The following MDGA2 variants were observed in gnomAD, a reference collection of about 807,000 sequenced individuals.
MDGA2 encodes the protein MAM domain-containing glycosylphosphatidylinositol anchor protein 2.
In MDGA2, 40 loss-of-function variants were observed where a neutral mutation model predicts 117.8. That is an observed-to-expected ratio of 0.34 (90% CI 0.26 to 0.44). The LOEUF is 0.44. MDGA2 is among the 20% of genes least tolerant of loss of function. The pLI is 1.00. For missense variants in MDGA2, 1,123 were observed against 1,250.6 expected, an observed-to-expected ratio of 0.90 and a Z score of 1.54; for synonymous variants, 452 against 439.0, an observed-to-expected ratio of 1.03 and a Z score of -0.37.
rs189333555 is a variant in MDGA2, at chr14:47,071,877, C to G, written c.1196-10299G>C. Among the ~76,000 whole-genome samples, 1,029 of 152,172 alleles carry G rather than the reference C, an allele frequency of 6.8e-3. 8 individuals carry two copies. The highest frequency in any genetic ancestry group is 0.014 in the Middle Eastern group (4 of 294). On this transcript the variant is annotated intron_variant, in intron 6 of 16. Coordinates refer to ENST00000399232, the MANE Select transcript of MDGA2 (RefSeq NM_001113498.3). ...TTTTTACCCACTTCTTTATAGTGATCATAACAATAAAATTCACAATCCTAG... is the reference window on the plus strand; with the variant it reads ...TTTTTACCCACTTCTTTATAGTGATGATAACAATAAAATTCACAATCCTAG...
At chr14:46,897,840 A>G (rs1883139537) in intron 10 of MDGA2, among the ~76,000 whole-genome samples, 1 of 152,004 alleles carries the variant, frequency 6.6e-6, no homozygotes, top group Non-Finnish European at 1.5e-5. Flanking sequence ...ACATGGAGAT[A>G]TGACCTTGCT....
At chr14:47,523,600 A>G (rs1249230764) in intron 1 of MDGA2, among the ~76,000 whole-genome samples, 1 of 152,132 alleles carries the variant, frequency 6.6e-6, no homozygotes, top group Non-Finnish European at 1.5e-5. Flanking sequence ...AGGGATGACA[A>G]CAGGTAAGGA....
intron 1 of MDGA2, among the ~76,000 whole-genome samples, chr14:47,421,616 CATAA>C (rs1416962523): frequency 2.0e-5 from 3 of 152,030 alleles, no homozygotes; most frequent in African/African-American, 4.8e-5. Context: ...TATAATGTTG[CATAA>C]ATAGAGTTGT....
intron 1 of MDGA2, among the ~76,000 whole-genome samples, chr14:47,464,622 C>A (rs550353480): frequency 2.6e-5 from 4 of 151,990 alleles, no homozygotes; most frequent in Non-Finnish European, 5.9e-5. Context: ...CACAGCTAAC[C>A]AGGGAGGTGA....
At chr14:47,249,605 C>T (rs1887377788) in intron 2 of MDGA2, among the ~76,000 whole-genome samples, 1 of 152,206 alleles carries the variant, frequency 6.6e-6, no homozygotes, top group Admixed American at 6.5e-5. Context: ...GGATTACAGG[C>T]ATGAACCACC....
intron 8 of MDGA2, among the ~76,000 whole-genome samples, chr14:46,981,175 G>GGT (rs1566558116): frequency 2.0e-5 from 3 of 149,592 alleles, no homozygotes; most frequent in Non-Finnish European, 3.0e-5. Flanking sequence ...AGGCCAAGGG[G>GGT]GGGGCGGATC....
intron 1 of MDGA2, among the ~76,000 whole-genome samples, chr14:47,390,357 T>C (rs983709337): frequency 1.0e-4 from 15 of 149,010 alleles, no homozygotes; most frequent in East Asian, 2.0e-4. Flanking sequence ...TCAGGGAAGA[T>C]AGTGTCTCTG....
chr14:46,947,806 C>G (rs554918881), intron 9 of MDGA2, among the ~76,000 whole-genome samples: 1 of 151,790 alleles, frequency 6.6e-6, no homozygotes, highest in Non-Finnish European at 1.5e-5. Context: ...TGAAAACAGA[C>G]TAATACAGTC....
intron 1 of MDGA2, among the ~76,000 whole-genome samples, chr14:47,627,862 G>A (rs749702274): frequency 4.6e-5 from 7 of 152,270 alleles, no homozygotes; most frequent in Non-Finnish European, 8.8e-5. Flanking sequence ...TTTCACGCCT[G>A]AGCCAGCAAG....
At chr14:47,665,712 T>C (rs1289903375) in intron 1 of MDGA2, among the ~76,000 whole-genome samples, 2 of 152,108 alleles carry the variant, frequency 1.3e-5, no homozygotes, top group African/African-American at 4.8e-5. Flanking sequence ...CCCCCAGCAC[T>C]GCTGGCCCAC....
chr14:47,388,052 C>T (rs1352459394), intron 1 of MDGA2, among the ~76,000 whole-genome samples: 1 of 152,164 alleles, frequency 6.6e-6, no homozygotes, highest in African/African-American at 2.4e-5. Flanking sequence ...TGATGACAAA[C>T]ACTATTTCCA....
At chr14:47,447,971 G>A (rs1278960840) in intron 1 of MDGA2, among the ~76,000 whole-genome samples, 1 of 151,962 alleles carries the variant, frequency 6.6e-6, no homozygotes. Flanking sequence ...TTCCTGAGTG[G>A]GGTGATAAGA....
intron 1 of MDGA2, among the ~76,000 whole-genome samples, chr14:47,430,678 T>C (rs749447150): frequency 3.9e-5 from 6 of 152,228 alleles, no homozygotes; most frequent in African/African-American, 1.4e-4. Context: ...TGTTTAAACA[T>C]ATAAGATCCT....
intron 1 of MDGA2, among the ~76,000 whole-genome samples, chr14:47,302,941 T>A (rs540238437): frequency 6.6e-6 from 1 of 152,128 alleles, no homozygotes; most frequent in African/African-American, 2.4e-5. Context: ...CAAAGCATAA[T>A]CCTGTTACTC....
chr14:47,642,976 A>T (rs1038693434), intron 1 of MDGA2, among the ~76,000 whole-genome samples: 2 of 152,090 alleles, frequency 1.3e-5, no homozygotes, highest in African/African-American at 4.8e-5. Context: ...GTCAACAAAT[A>T]AGGATAACAA....
At chr14:47,628,410 C>T (rs1897191473) in intron 1 of MDGA2, among the ~76,000 whole-genome samples, 1 of 152,210 alleles carries the variant, frequency 6.6e-6, no homozygotes, top group South Asian at 2.1e-4. Context: ...GGCACAGTGA[C>T]TGGCACCATT....
intron 3 of MDGA2, among the ~76,000 whole-genome samples, chr14:47,178,916 T>C (rs1884589027): frequency 6.6e-6 from 1 of 152,050 alleles, no homozygotes; most frequent in Non-Finnish European, 1.5e-5. Flanking sequence ...CTTATACTTG[T>C]AGGTATAAGA....
At position 47,333,113 on chromosome 14, in the gene MDGA2, T is replaced by C. The variant is rs577364900; in HGVS notation, c.281-31563A>G. On this transcript the variant is annotated intron_variant, in intron 1 of 16. Coordinates refer to ENST00000399232, the MANE Select transcript of MDGA2 (RefSeq NM_001113498.3). ...ATATTGCTGCGATAAACATACCAAA[T>C]GCAGGTAACTTTTTGATATAATGAT... Among the ~76,000 whole-genome samples, 11 of 150,134 alleles carry C rather than the reference T, an allele frequency of 7.3e-5. No individual in the cohort carries two copies. In the South Asian group the frequency reaches 2.3e-3, roughly 32 times the overall value.
intron 7 of MDGA2, among the ~76,000 whole-genome samples, chr14:47,051,983 T>C (rs1223366970): frequency 1.3e-5 from 2 of 151,876 alleles, no homozygotes; most frequent in African/African-American, 2.4e-5. Flanking sequence ...CTTAAAATAA[T>C]ATGCTGTAAT....
Sources: allele counts gnomAD v4.1 joint callset (sites outside exome capture counted in the v4.1 genomes callset), GRCh38; gene constraint gnomAD v4.1.1; transcripts MANE v1.5; gene names NCBI Gene and HGNC (gene_info 2026-07-23, HGNC 2026-07-21).